ERI1: variants seen among roughly 807,000 people sequenced by gnomAD.
ERI1 encodes exoribonuclease 1.
ERI1 carries 39 observed loss-of-function variants against 39.7 expected under a neutral mutation model. The ratio of observed to expected loss-of-function variants is 0.98; its 90% CI spans 0.76 to 1.28. The LOEUF (loss-of-function observed/expected upper bound fraction) is 1.28, where lower values mean the gene tolerates loss of function less well. Ranked by LOEUF, ERI1 falls within the 50% of genes most tolerant of loss-of-function variation. The pLI, the probability that ERI1 is intolerant of heterozygous loss-of-function variation, is 0.00. For missense variants in ERI1, 581 were observed against 416.9 expected, an observed-to-expected ratio of 1.39 and a Z score of -3.43; for synonymous variants, 204 against 149.6, an observed-to-expected ratio of 1.36 and a Z score of -2.65.
chr8:9,011,586 A>C lies in ERI1; in HGVS notation c.332A>C (p.Lys111Thr). Residue 111 changes from lysine (K) to threonine (T), a missense_variant, in exon 3 of 7, where the codon AAG becomes ACG. Physicochemically the swap from Lys to Thr is moderately conservative, Grantham distance 78 (BLOSUM62 -1). Coordinates refer to ENST00000250263, the MANE Select transcript of ERI1 (RefSeq NM_153332.4). ...VLKKRLKNYY[K>T]KQKLMLKESN... The stretch of plus-strand genomic sequence containing the variant: ...AAGAAGAGACTGAAAAACTATTATA[A>C]GAAGCAGAAGCTGATGCTGAAAGAG... 1 of 1,613,090 alleles carries C rather than the reference A, an allele frequency of 6.2e-7. No homozygotes were observed. Among genetic ancestry groups the C allele is most frequent in the Non-Finnish European group, 8.5e-7 (1 of 1,179,442 alleles).
At chr8:9,041,295 A>C (rs1798008810) in intron 3 of ERI1, among the ~76,000 whole-genome samples, 1 of 152,146 alleles carries the variant, frequency 6.6e-6, no homozygotes, top group Non-Finnish European at 1.5e-5. Flanking sequence ...ACTACAGGCA[A>C]CTTCCTTGTA....
At chr8:9,035,755 C>G (rs1797823055), downstream of ERI1, among the ~76,000 whole-genome samples, 1 of 152,182 alleles carries the variant, frequency 6.6e-6, no homozygotes, top group East Asian at 1.9e-4. Context: ...TTTCATAAGG[C>G]TGTAGTTAGC....
chr8:9,034,166 A>G (rs140155415), downstream of ERI1, among the ~76,000 whole-genome samples: 135 of 152,366 alleles, frequency 8.9e-4, no homozygotes, highest in African/African-American at 3.0e-3. Flanking sequence ...ATTCCTTACC[A>G]AGACTTGGGT....
chr8:9,057,558 C>G (rs1451688431), intron 3 of ERI1, among the ~76,000 whole-genome samples: 3 of 152,208 alleles, frequency 2.0e-5, no homozygotes, highest in African/African-American at 7.2e-5. Flanking sequence ...TTTGCTGATT[C>G]ATCACATATT....
At chr8:9,058,159 AG>A (rs1285995374) in intron 3 of ERI1, among the ~76,000 whole-genome samples, 1 of 152,232 alleles carries the variant, frequency 6.6e-6, no homozygotes, top group Non-Finnish European at 1.5e-5. Context: ...AGGGCGGAGC[AG>A]ACAGACTGCT....
intron 3 of ERI1, among the ~76,000 whole-genome samples, chr8:9,041,895 C>A (rs776065628): frequency 6.6e-6 from 1 of 152,120 alleles, no homozygotes; most frequent in Non-Finnish European, 1.5e-5. Context: ...CCACCACGCC[C>A]AGCTGATTTT....
At chr8:9,063,585 G>C (rs1012748357) in intron 3 of ERI1, among the ~76,000 whole-genome samples, 2 of 152,092 alleles carry the variant, frequency 1.3e-5, no homozygotes, top group African/African-American at 4.8e-5. Flanking sequence ...CGATGCTTGG[G>C]GTTGGGACTG....
intron 3 of ERI1, chr8:9,099,912 C>T (rs1302658469): frequency 6.6e-6 from 1 of 151,654 alleles, no homozygotes; most frequent in Admixed American, 6.6e-5. Context: ...TTCTGTTGAA[C>T]CTCAGGGCCA....
At position 9,016,315 on chromosome 8, in the gene ERI1, C is replaced by A. The variant is rs1375567777; in HGVS notation, c.499-7C>A. The A allele has an allele frequency of 2.5e-6, 4 of 1,575,004 alleles. No individual in the cohort carries two copies. In the South Asian group the frequency reaches 3.5e-5, roughly 14 times the overall value. On this transcript the variant is annotated splice_polypyrimidine_tract_variant and splice_region_variant and intron_variant, in intron 3 of 6. Transcript: ENST00000250263. ...AATTACTTTAACTTGCTATCCTTCC[C>A]TTGCAGGAAGACACGTTTCAGCAGT... is the stretch of plus-strand genomic sequence containing the variant.
intron 3 of ERI1, among the ~76,000 whole-genome samples, chr8:9,098,460 G>T (rs527846397): frequency 1.4e-4 from 22 of 152,368 alleles, no homozygotes; most frequent in African/African-American, 5.3e-4. Context: ...AGAGGTTGCA[G>T]TGAGCCGAAA....
intron 3 of ERI1, among the ~76,000 whole-genome samples, chr8:9,075,515 T>C (rs528273794): frequency 1.2e-3 from 177 of 151,978 alleles, no homozygotes; most frequent in African/African-American, 4.1e-3. Flanking sequence ...TGCTTTATTT[T>C]CATTATGAAC....
At chr8:9,017,070 C>T (rs1438358389) in intron 4 of ERI1, among the ~76,000 whole-genome samples, 2 of 151,954 alleles carry the variant, frequency 1.3e-5, no homozygotes, top group African/African-American at 4.8e-5. Context: ...GATGGAGTCT[C>T]ACTCTGTTGC....
chr8:9,040,729 T>G (rs185334462), intron 3 of ERI1, among the ~76,000 whole-genome samples: 7,496 of 144,618 alleles, frequency 0.052, 251 homozygotes, highest in Middle Eastern at 0.083. Context: ...AGTGTGTGTG[T>G]GGGGGGGGGG....
chr8:9,020,792 C>T (rs1296035275), intron 6 of ERI1, among the ~76,000 whole-genome samples: 1 of 152,126 alleles, frequency 6.6e-6, no homozygotes, highest in Non-Finnish European at 1.5e-5. Context: ...TATGCGTGTG[C>T]CGTGTAAATG....
At chr8:9,038,800 T>C (rs1472001604) in intron 3 of ERI1, among the ~76,000 whole-genome samples, 1 of 152,248 alleles carries the variant, frequency 6.6e-6, no homozygotes, top group African/African-American at 2.4e-5. Context: ...TATATTAAAA[T>C]TTTTGGAAAT....
intron 3 of ERI1, chr8:9,096,861 G>A (rs28393018): frequency 0.12 from 18,427 of 151,946 alleles, 1,230 homozygotes; most frequent in Non-Finnish European, 0.15. Flanking sequence ...GATTACAGGC[G>A]TGAGTCACTG....
intron 3 of ERI1, among the ~76,000 whole-genome samples, chr8:9,093,912 C>G (rs1489452540): frequency 1.3e-5 from 2 of 152,166 alleles, no homozygotes. Flanking sequence ...AATGGAAGAG[C>G]TAGGTGTGAC....
chr8:9,099,456 G>A (rs866473828), intron 3 of ERI1, among the ~76,000 whole-genome samples: 17 of 151,966 alleles, frequency 1.1e-4, no homozygotes, highest in Non-Finnish European at 1.9e-4. Flanking sequence ...TTAGCCAGGT[G>A]TGGTGGTGCA....
chr8:9,008,110 A>G lies in ERI1; in HGVS notation c.249A>G (p.Glu83=). 1 of 1,602,992 alleles carries G rather than the reference A, an allele frequency of 6.2e-7. No homozygotes were observed. Among genetic ancestry groups the G allele is most frequent in the Non-Finnish European group, 8.5e-7 (1 of 1,176,572 alleles). The change falls in exon 2 of 7, where the codon GAA becomes GAG. Residue 83 remains glutamate (E), a synonymous_variant. Transcript: ENST00000250263. ...NGCINRMSKE[E]LRAKLSEFKL... ...GTATTAATAGAATGAGTAAGGAAGA[A>G]CTCAGAGCTAAGCTTTCAGAATTCA...
Sources: allele counts gnomAD v4.1 joint callset (sites outside exome capture counted in the v4.1 genomes callset), GRCh38; gene constraint gnomAD v4.1.1; transcripts MANE v1.5; gene names NCBI Gene and HGNC (gene_info 2026-07-23, HGNC 2026-07-21).